TMEM26: variants seen among roughly 807,000 people sequenced by gnomAD.
TMEM26 encodes transmembrane protein 26.
Under a neutral mutation model 28.8 loss-of-function variants are expected in TMEM26, and 38 were observed. That is an observed-to-expected ratio of 1.32 (90% confidence interval 1.02 to 1.73). TMEM26 has a LOEUF of 1.73. Ranked by LOEUF, TMEM26 falls within the 40% of genes most tolerant of loss-of-function variation. The probability of loss-of-function intolerance (pLI) is 0.00; values close to 1 mark genes in which losing one functional copy is unlikely to be tolerated. For synonymous variants in TMEM26, 227 were observed against 182.9 expected, an observed-to-expected ratio of 1.24 and a Z score of -1.95; for missense variants, 518 against 447.1, an observed-to-expected ratio of 1.16 and a Z score of -1.43.
chr10:61,438,713 T>C (rs922495075), intron 1 of TMEM26, among the ~76,000 whole-genome samples: 2 of 152,242 alleles, frequency 1.3e-5, no homozygotes, highest in Non-Finnish European at 2.9e-5. Flanking sequence ...AGATTCAAGA[T>C]GTTTTGTGTT....
chr10:61,433,060 A>G (rs1839947913), intron 2 of TMEM26, among the ~76,000 whole-genome samples: 1 of 152,202 alleles, frequency 6.6e-6, no homozygotes, highest in African/African-American at 2.4e-5. Flanking sequence ...ACTATGTATT[A>G]AAAATGGCGA....
At chr10:61,436,394 C>A (rs1840009680) in intron 1 of TMEM26, 146 bp from the exon 2 acceptor site, 2 of 509,588 alleles carry the variant, frequency 3.9e-6, no homozygotes, top group Non-Finnish European at 3.4e-6. Context: ...GTGTTTATTT[C>A]AATGAAGAAA....
chr10:61,417,165 C>T (rs1839666241), intron 4 of TMEM26, among the ~76,000 whole-genome samples: 1 of 152,004 alleles, frequency 6.6e-6, no homozygotes, highest in South Asian at 2.1e-4. Context: ...TTATTCACCA[C>T]TGTCCCATGT....
intron 4 of TMEM26, among the ~76,000 whole-genome samples, chr10:61,418,134 G>A (rs1302416813): frequency 6.6e-6 from 1 of 151,804 alleles, no homozygotes; most frequent in East Asian, 1.9e-4. Context: ...CAAGACTATT[G>A]CAATACAGGA....
intron 4 of TMEM26, among the ~76,000 whole-genome samples, chr10:61,419,665 G>A (rs550430271): frequency 6.6e-6 from 1 of 152,146 alleles, no homozygotes; most frequent in South Asian, 2.1e-4. Flanking sequence ...AAGATTGAAG[G>A]AAAAACAGCA....
intron 4 of TMEM26, among the ~76,000 whole-genome samples, chr10:61,426,457 A>G (rs906593673): frequency 2.6e-5 from 4 of 152,170 alleles, no homozygotes; most frequent in African/African-American, 4.8e-5. Context: ...TTGCAGAATC[A>G]GAAGCTTTAC....
At chr10:61,448,910 A>G (rs577678258) in intron 1 of TMEM26, among the ~76,000 whole-genome samples, 49 of 152,282 alleles carry the variant, frequency 3.2e-4, no homozygotes, top group African/African-American at 1.1e-3. Context: ...TTTCGAGTGA[A>G]CAGCCTTCAA....
intron 1 of TMEM26, among the ~76,000 whole-genome samples, chr10:61,447,627 A>C (rs1840206012): frequency 6.6e-6 from 1 of 152,198 alleles, no homozygotes; most frequent in African/African-American, 2.4e-5. Context: ...TTTAACATGG[A>C]GTCTAGGGAT....
At chr10:61,450,344 T>C (rs748628587) in intron 1 of TMEM26, among the ~76,000 whole-genome samples, 1 of 152,206 alleles carries the variant, frequency 6.6e-6, no homozygotes, top group African/African-American at 2.4e-5. Flanking sequence ...TACACCTTGC[T>C]TTACTCAGAA....
chr10:61,410,370 A>G lies in TMEM26; in HGVS notation c.1059T>C (p.Pro353=). ...QNESKEGLAI[P]LRGSPVTSDD... ...CGGAGGTGACTGGGGAGCCCCGCAA[A>G]GGAATAGCCAGGCCCTCCTTAGACT... Residue 353 remains proline (P), a synonymous_variant, in exon 6 of 6, where the codon CCT becomes CCC. Transcript: ENST00000399298. 1 of 1,613,962 alleles carries G rather than the reference A, an allele frequency of 6.2e-7. No individual in the cohort carries two copies. The highest frequency in any genetic ancestry group is 8.5e-7 in the Non-Finnish European group (1 of 1,179,976).
intron 4 of TMEM26, 170 bp from the exon 5 acceptor site, chr10:61,413,705 TGAA>T: frequency 7.7e-7 from 1 of 1,303,968 alleles, no homozygotes; most frequent in Non-Finnish European, 9.7e-7. Context: ...AATGGAATAA[TGAA>T]GAAGTGAAAA....
At chr10:61,432,439 G>GA in intron 2 of TMEM26, among the ~76,000 whole-genome samples, 1 of 152,150 alleles carries the variant, frequency 6.6e-6, no homozygotes, top group East Asian at 1.9e-4. Flanking sequence ...GGTAAAGTAA[G>GA]AAAAGGAAAA....
Position 61,410,246 on chromosome 10 carries a change from G to T in TMEM26, c.*76C>A. 7.1e-7 allele frequency: 1 copy of T among 1,413,922 alleles called. No individual in the cohort carries two copies. Among genetic ancestry groups the T allele is most frequent in the Non-Finnish European group, 9.6e-7 (1 of 1,044,748 alleles). 87.6% of individuals were successfully genotyped at this position (1,413,922 alleles called of 1,614,324 possible). ...TTGAAAATTATTATACGCCAAGGTT[G>T]GAGGAGAAAAAGGATCCTCCCTGTA... On this transcript the variant is annotated 3_prime_UTR_variant, in exon 6 of 6. Coordinates refer to ENST00000399298, the MANE Select transcript of TMEM26 (RefSeq NM_178505.8).
intron 4 of TMEM26, among the ~76,000 whole-genome samples, chr10:61,418,128 AC>A (rs1442592028): frequency 6.6e-6 from 1 of 151,980 alleles, no homozygotes; most frequent in East Asian, 1.9e-4. Context: ...TTTATTCAAG[AC>A]TATTGCAATA....
chr10:61,428,760 GT>G (rs1839872175), intron 4 of TMEM26, among the ~76,000 whole-genome samples, 165 bp downstream of exon 4: 2 of 152,202 alleles, frequency 1.3e-5, no homozygotes, highest in South Asian at 4.2e-4. Flanking sequence ...CATAAAGACT[GT>G]GCTCGTTTCT....
chr10:61,409,711 T>C lies in TMEM26; in HGVS notation c.*611A>G, dbSNP rs1266537005. The C allele has an allele frequency of 6.6e-6, 1 of 152,460 alleles. No individual in the cohort carries two copies. The highest frequency in any genetic ancestry group is 1.9e-4 in the East Asian group (1 of 5,200). 9.4% of individuals were successfully genotyped at this position (152,460 alleles called of 1,614,324 possible). On this transcript the variant is annotated 3_prime_UTR_variant, in exon 6 of 6. Coordinates refer to ENST00000399298, the MANE Select transcript of TMEM26 (RefSeq NM_178505.8). ...AAGCAATAAAATTTCTGTAAGAACATATGCGCCATGGCAGAATACAACATC... is the reference window on the plus strand; with the variant it reads ...AAGCAATAAAATTTCTGTAAGAACACATGCGCCATGGCAGAATACAACATC...
At chr10:61,452,279 G>C (rs1357057193) in intron 1 of TMEM26, among the ~76,000 whole-genome samples, 1 of 152,214 alleles carries the variant, frequency 6.6e-6, no homozygotes, top group Admixed American at 6.5e-5. Flanking sequence ...TGCAAGATAG[G>C]CAGGCCGTTA....
rs770504412 is a variant in TMEM26, at chr10:61,453,118, C to A, written c.-37G>T. On this transcript the variant is annotated 5_prime_UTR_variant, in exon 1 of 6. Coordinates refer to ENST00000399298, the MANE Select transcript of TMEM26 (RefSeq NM_178505.8). Reference sequence around the variant, plus strand: ...CACTCTGCCTACGTCCCCTTGCCTGCGCCCCCAGGACCCTGCCGGGCGTGC... The same window carrying A: ...CACTCTGCCTACGTCCCCTTGCCTGAGCCCCCAGGACCCTGCCGGGCGTGC... 5 of 1,596,052 alleles carry A rather than the reference C, an allele frequency of 3.1e-6. No homozygotes were observed. Among genetic ancestry groups the A allele is most frequent in the Middle Eastern group, 1.7e-4 (1 of 5,946 alleles).
In TMEM26 at chr10:61,436,260, GAGA is replaced by G; in HGVS notation, c.192-15_192-13del. 1 of 1,506,546 alleles carries G rather than the reference GAGA, an allele frequency of 6.6e-7. No individual in the cohort carries two copies. The highest frequency in any genetic ancestry group is 1.3e-5 in the South Asian group (1 of 75,644). 93.3% of individuals were successfully genotyped at this position (1,506,546 alleles called of 1,614,324 possible). A position where few individuals can be genotyped will look rare whatever the true frequency, so the allele number is the denominator to read the frequency against. On this transcript the variant is annotated splice_polypyrimidine_tract_variant and intron_variant, in intron 1 of 5. Coordinates refer to ENST00000399298, the MANE Select transcript of TMEM26 (RefSeq NM_178505.8). Reference sequence around the variant, plus strand: ...TGGCTGGTGAAAACCTGTGAAAAGAGAGAAGAAAAAATAGTTTAGCTAATTTAA... The same window carrying G: ...TGGCTGGTGAAAACCTGTGAAAAGAGAGAAAAAATAGTTTAGCTAATTTAA...
Sources: gnomAD v4.1 joint callset for allele counts (sites outside exome capture counted in the v4.1 genomes callset) on GRCh38, gnomAD v4.1.1 for gene constraint, MANE v1.5 for transcripts, NCBI Gene and HGNC (gene_info 2026-07-23, HGNC 2026-07-21) for gene names.